The following SRGAP3 variants were observed in gnomAD, a reference collection of about 807,000 sequenced individuals.
SRGAP3 encodes the protein SLIT-ROBO Rho GTPase activating protein 3, also known as SLIT-ROBO Rho GTPase-activating protein 3.
A neutral mutation model predicts 121.1 loss-of-function variants in SRGAP3; 39 were observed. The observed-to-expected ratio is 0.32, with a 90% CI of 0.25 to 0.42. The LOEUF is 0.42. Among genes scored for constraint, SRGAP3 ranks in the 10% least tolerant of loss-of-function variants. The pLI, the probability that SRGAP3 is intolerant of heterozygous loss-of-function variation, is 1.00. For missense variants in SRGAP3, 1,213 were observed against 1,470.6 expected, an observed-to-expected ratio of 0.82 and a Z score of 2.86; for synonymous variants, 601 against 570.0, an observed-to-expected ratio of 1.05 and a Z score of -0.77.
In SRGAP3 at chr3:9,032,564, G is replaced by A. The variant is rs541444224; in HGVS notation, c.1539+86C>T. ...CTCCACAGGGCCTGGCCAAGGACAG[G>A]GCTGTCTGCTGGCAGGGAGGCGGGC... On this transcript the variant is annotated intron_variant, in intron 12 of 21. Transcript: ENST00000383836. 20 of 1,260,286 alleles carry A rather than the reference G, an allele frequency of 1.6e-5. No individual in the cohort carries two copies. The East Asian group carries it at 3.9e-4, about 25-fold the overall frequency. The allele number at this position is 1,260,286 out of a possible 1,614,324, so 78.1% of individuals were successfully genotyped here.
chr3:9,236,276 T>C (rs567185018), intron 1 of SRGAP3: 18 of 173,990 alleles, frequency 1.0e-4, no homozygotes, highest in Admixed American at 3.2e-4. Flanking sequence ...CAGCTCTCCC[T>C]GGTAAAGTTG....
At chr3:9,143,797 T>G (rs951740343) in intron 1 of SRGAP3, among the ~76,000 whole-genome samples, 1 of 152,002 alleles carries the variant, frequency 6.6e-6, no homozygotes, top group Non-Finnish European at 1.5e-5. Context: ...CTGCCCCAGT[T>G]TTCCCTGAGG....
At chr3:9,111,590 T>TGCAGGAGGGAGGAA (rs1948625673) in intron 2 of SRGAP3, among the ~76,000 whole-genome samples, 1 of 152,114 alleles carries the variant, frequency 6.6e-6, no homozygotes, top group African/African-American at 2.4e-5. Context: ...ACAATGGGAC[T>TGCAGGAGGGAGGAA]GCAGGAGGGA....
chr3:9,072,863 CTCTGTGTATCTTCTTGCAT>C (rs1165192681), intron 4 of SRGAP3, among the ~76,000 whole-genome samples: 3 of 152,218 alleles, frequency 2.0e-5, no homozygotes, highest in Non-Finnish European at 4.4e-5. Flanking sequence ...ATATGCTTCT[CTCTGTGTATCTTCTTGCAT>C]TGTTTACTGT....
upstream of SRGAP3, among the ~76,000 whole-genome samples, chr3:9,251,110 G>A (rs1040211096): frequency 3.3e-5 from 5 of 152,218 alleles, no homozygotes; most frequent in African/African-American, 7.2e-5. Flanking sequence ...CATGGCAGCT[G>A]CAGTGGGCGT....
intron 2 of SRGAP3, among the ~76,000 whole-genome samples, chr3:9,112,651 A>G (rs420562): frequency 0.36 from 55,285 of 152,036 alleles, 10,246 homozygotes; most frequent in African/African-American, 0.38. Flanking sequence ...AGGGAGCATC[A>G]GGGGACCCTG....
chr3:9,337,304 G>A (rs2125288501), intron 1 of SRGAP3, among the ~76,000 whole-genome samples: 1 of 152,246 alleles, frequency 6.6e-6, no homozygotes, highest in East Asian at 1.9e-4. Context: ...CCAAATATCT[G>A]GGTAACCATG....
chr3:9,198,028 C>A (rs1951963299), intron 1 of SRGAP3, among the ~76,000 whole-genome samples: 1 of 152,114 alleles, frequency 6.6e-6, no homozygotes, highest in African/African-American at 2.4e-5. Context: ...TTATGACTTG[C>A]AGGTAGGTTG....
At chr3:9,119,481 T>C (rs1948925920) in intron 2 of SRGAP3, among the ~76,000 whole-genome samples, 1 of 152,170 alleles carries the variant, frequency 6.6e-6, no homozygotes. Flanking sequence ...CGTTGCTCCT[T>C]CTCATTTCTC....
At chr3:9,280,807 T>C (rs1024041016) in intron 3 of SRGAP3, among the ~76,000 whole-genome samples, 13 of 152,234 alleles carry the variant, frequency 8.5e-5, no homozygotes, top group Admixed American at 7.9e-4. Context: ...CTAACTCTTT[T>C]TGCCTGTTAA....
chr3:9,297,099 G>A (rs1257543791), intron 3 of SRGAP3, among the ~76,000 whole-genome samples: 1 of 152,064 alleles, frequency 6.6e-6, no homozygotes, highest in Non-Finnish European at 1.5e-5. Flanking sequence ...TTCCCAGGGT[G>A]GTCTTGAACT....
At chr3:9,230,569 G>C (rs1181392860) in intron 1 of SRGAP3, among the ~76,000 whole-genome samples, 1 of 152,130 alleles carries the variant, frequency 6.6e-6, no homozygotes, top group Non-Finnish European at 1.5e-5. Flanking sequence ...GTGGGAGAGG[G>C]AAAAAGAAAG....
intron 10 of SRGAP3, among the ~76,000 whole-genome samples, chr3:9,045,640 G>A (rs888469756): frequency 1.5e-4 from 23 of 152,194 alleles, no homozygotes; most frequent in African/African-American, 4.6e-4. Flanking sequence ...GTCAGATAAG[G>A]GCCGCAGGAA....
chr3:9,270,073 T>C (rs1344672108), intron 3 of SRGAP3, among the ~76,000 whole-genome samples: 2 of 152,168 alleles, frequency 1.3e-5, no homozygotes, highest in Non-Finnish European at 2.9e-5. Flanking sequence ...AAAATTTTGC[T>C]TTCTGGGTTC....
At chr3:9,090,509 A>T (rs1223067650) in intron 3 of SRGAP3, among the ~76,000 whole-genome samples, 2 of 152,206 alleles carry the variant, frequency 1.3e-5, no homozygotes, top group East Asian at 3.9e-4. Flanking sequence ...CTTTGCCATG[A>T]AAATCTTGCT....
At chr3:9,164,591 C>T (rs1950719442) in intron 1 of SRGAP3, among the ~76,000 whole-genome samples, 6 of 152,110 alleles carry the variant, frequency 3.9e-5, no homozygotes, top group African/African-American at 1.4e-4. Context: ...CACCCAGCCC[C>T]ACCCAGACTA....
intron 1 of SRGAP3, among the ~76,000 whole-genome samples, chr3:9,146,702 G>A (rs1202145635): frequency 6.6e-6 from 1 of 152,144 alleles, no homozygotes; most frequent in Non-Finnish European, 1.5e-5. Context: ...AGACTGATGG[G>A]AACACAGGGG....
chr3:9,298,840 C>A (rs576680563), intron 3 of SRGAP3, among the ~76,000 whole-genome samples: 1 of 151,606 alleles, frequency 6.6e-6, no homozygotes, highest in East Asian at 1.9e-4. Flanking sequence ...TCACTTGAGG[C>A]CAGGAGTTTG....
At chr3:9,312,195 C>T (rs751673653) in intron 3 of SRGAP3, among the ~76,000 whole-genome samples, 4 of 152,112 alleles carry the variant, frequency 2.6e-5, no homozygotes, top group Non-Finnish European at 4.4e-5. Context: ...TGCTCTGTCG[C>T]CCAGCCTGGA....
Sources: gnomAD v4.1 joint callset for allele counts (sites outside exome capture counted in the v4.1 genomes callset) on GRCh38, gnomAD v4.1.1 for gene constraint, MANE v1.5 for transcripts, NCBI Gene and HGNC (gene_info 2026-07-23, HGNC 2026-07-21) for gene names.